Variants in IGF2 observed in about 807,000 individuals in gnomAD.
The protein encoded by IGF2 is insulin-like growth factor 2.
A neutral mutation model predicts 12.0 loss-of-function variants in IGF2; 2 were observed. The observed-to-expected ratio is 0.17, with a 90% confidence interval of 0.07 to 0.52. IGF2 has a LOEUF of 0.52. IGF2 is among the 20% of genes least tolerant of loss of function. IGF2 has a pLI of 0.95. For missense variants in IGF2, 211 were observed against 268.0 expected (o/e 0.79, Z 1.48); for synonymous variants, 105 against 110.1 (o/e 0.95, Z 0.29).
At position 2,138,973 on chromosome 11, in the gene IGF2, C is replaced by T. The variant is rs1859321375; in HGVS notation, c.-751G>A. ...GCCCGGGCCTCGGGAGGGGGACAGG[C>T]GGTGGCGGCACCGGGGCCGCTCCGG... On this transcript the variant is annotated 5_prime_UTR_variant, in exon 1 of 4. Transcript: ENST00000416167. 4.1e-6 allele frequency: 4 copies of T among 965,006 alleles called. No individual in the cohort carries two copies. Among genetic ancestry groups the T allele is most frequent in the South Asian group, 4.9e-5 (1 of 20,266 alleles). 59.8% of individuals were successfully genotyped at this position (965,006 alleles called of 1,614,324 possible). A position where few individuals can be genotyped will look rare whatever the true frequency, so the allele number is the denominator to read the frequency against.
Position 2,133,203 on chromosome 11 carries a change from G to T in IGF2, c.327C>A (p.Pro109=). The change falls in exon 4 of 4, where the codon CCC becomes CCA. Residue 109 remains proline (P), a synonymous_variant. Transcript: ENST00000416167. This position sits in a 1 kb window ranked among gnomAD's most constrained non-coding sequence, Gnocchi z 8.9. ...TGTCATATTGGAAGAACTTGCCCAC[G>T]GGGTATCTGGGGAAGTTGTCCTGGG... ...TVLPDNFPRY[P]VGKFFQYDTW... 1 of 1,556,680 alleles carries T rather than the reference G, an allele frequency of 6.4e-7. No individual in the cohort carries two copies.
chr11:2,132,679 G>A lies in IGF2; in HGVS notation c.*308C>T, dbSNP rs1017523149. On this transcript the variant is annotated 3_prime_UTR_variant, in exon 4 of 4. Coordinates refer to ENST00000416167, the MANE Select transcript of IGF2 (RefSeq NM_000612.6). ...TTGTGGGGGGGGGGGAAGGGGGTTA[G>A]TTTAATGTTTTGATTTTTTATGTGT... 3.4e-4 allele frequency: 72 copies of A among 211,436 alleles called. No individual in the cohort carries two copies. Among genetic ancestry groups the A allele is most frequent in the Non-Finnish European group, 3.2e-4 (38 of 117,896 alleles). The allele number at this position is 211,436 out of a possible 1,614,324, so 13.1% of individuals were successfully genotyped here.
chr11:2,147,482 A>G, the IGF2 span: 5 of 533,974 alleles, frequency 9.4e-6, no homozygotes, highest in South Asian at 5.1e-4. This position sits in a 1 kb window ranked among gnomAD's most constrained non-coding sequence, Gnocchi z 7.2. Context: ...AGCTGCTTGC[A>G]GAAGGGGGAG....
chr11:2,136,295 G>A (rs561703698), intron 1 of IGF2, among the ~76,000 whole-genome samples: 2 of 152,316 alleles, frequency 1.3e-5, no homozygotes, highest in African/African-American at 4.8e-5. Flanking sequence ...CTCCTTTCCA[G>A]GCCTCAAATC....
At chr11:2,147,565 C>CCT in the IGF2 span, 1 of 1,198,952 alleles carries the variant, frequency 8.3e-7, no homozygotes, top group Non-Finnish European at 1.0e-6. This position sits in a 1 kb window ranked among gnomAD's most constrained non-coding sequence, Gnocchi z 7.2. Flanking sequence ...GAGACACTCA[C>CCT]CTCTCTGCCT....
At position 2,130,532 on chromosome 11, in the gene IGF2, G is replaced by GT. The variant is rs1858467972; in HGVS notation, c.*2454_*2455insA. The GT allele has an allele frequency of 4.5e-6, 1 of 220,228 alleles. No homozygotes were observed. The highest frequency in any genetic ancestry group is 2.3e-5 in the African/African-American group (1 of 42,928). The allele number at this position is 220,228 out of a possible 1,614,324, so 13.6% of individuals were successfully genotyped here. Reference sequence around the variant, plus strand: ...TGTCACTGCCCCCCTGTTACATGGGGGGGGGGTTTAATTTGGTTTCTGAGC... The same window carrying GT: ...TGTCACTGCCCCCCTGTTACATGGGGTGGGGGGTTTAATTTGGTTTCTGAGC... On this transcript the variant is annotated 3_prime_UTR_variant, in exon 4 of 4. Transcript: ENST00000416167.
At position 2,131,575 on chromosome 11, in the gene IGF2, GTGC is replaced by G. The variant is rs1858558514; in HGVS notation, c.*1409_*1411del. 4.6e-6 allele frequency: 1 copy of G among 218,658 alleles called. No individual in the cohort carries two copies. The highest frequency in any genetic ancestry group is 1.9e-4 in the South Asian group (1 of 5,310). 13.5% of individuals were successfully genotyped at this position (218,658 alleles called of 1,614,324 possible). A position where few individuals can be genotyped will look rare whatever the true frequency, so the allele number is the denominator to read the frequency against. On this transcript the variant is annotated 3_prime_UTR_variant, in exon 4 of 4. Transcript: ENST00000416167. The stretch of plus-strand genomic sequence containing the variant: ...ATGTGTGTGCTGTGTGTTTGTGTGT[GTGC>G]TGTGTTCATGTGTGCTGTGCATGCG...
At chr11:2,140,174 G>A, upstream of IGF2, 4 of 1,613,430 alleles carry the variant, frequency 2.5e-6, no homozygotes, top group Non-Finnish European at 3.4e-6. Flanking sequence ...TAAGTAGCTC[G>A]CCTTTGCGGC....
At chr11:2,139,609 G>A (rs1451250170), upstream of IGF2, among the ~76,000 whole-genome samples, 10 of 148,998 alleles carry the variant, frequency 6.7e-5, no homozygotes, top group Non-Finnish European at 1.5e-4. Context: ...GGGCTGGGGG[G>A]TGCGCGGGGG....
At position 2,132,961 on chromosome 11, in the gene IGF2, G is replaced by C. The variant is rs3741214; in HGVS notation, c.*26C>G. On this transcript the variant is annotated 3_prime_UTR_variant, in exon 4 of 4. Coordinates refer to ENST00000416167, the MANE Select transcript of IGF2 (RefSeq NM_000612.6). ...GAGGAGGCTGCAGGATGGTGGCGCC[G>C]GGCTGCAGACTTGCGGCAGTTTTGC... 2.8e-6 allele frequency: 4 copies of C among 1,425,942 alleles called. No homozygotes were observed. In the African/African-American group the frequency reaches 5.8e-5, roughly 21 times the overall value. The allele number at this position is 1,425,942 out of a possible 1,614,324, so 88.3% of individuals were successfully genotyped here. A position where few individuals can be genotyped will look rare whatever the true frequency, so the allele number is the denominator to read the frequency against.
At position 2,133,765 on chromosome 11, in the gene IGF2, G is replaced by A. The variant is rs905869628; in HGVS notation, c.158-100C>T. ...CAAACCACCCCTGCCCTCAGGCCAGGCCCTGGAAGGACGCAGCCACCCTGC... is the reference window on the plus strand; with the variant it reads ...CAAACCACCCCTGCCCTCAGGCCAGACCCTGGAAGGACGCAGCCACCCTGC... On this transcript the variant is annotated intron_variant, in intron 2 of 3. Coordinates refer to ENST00000416167, the MANE Select transcript of IGF2 (RefSeq NM_000612.6). The surrounding 1 kb of genome is among the most constrained non-coding windows in gnomAD (Gnocchi z 8.9). 8.4e-6 allele frequency: 12 copies of A among 1,429,556 alleles called. No homozygotes were observed. The African/African-American group carries it at 1.6e-4, about 19-fold the overall frequency. The allele number at this position is 1,429,556 out of a possible 1,614,324, so 88.6% of individuals were successfully genotyped here. A position where few individuals can be genotyped will look rare whatever the true frequency, so the allele number is the denominator to read the frequency against.
At chr11:2,145,676 G>T (rs2133634989), upstream of IGF2, among the ~76,000 whole-genome samples, 1 of 152,328 alleles carries the variant, frequency 6.6e-6, no homozygotes, top group Non-Finnish European at 1.5e-5. Context: ...GGTGCCCACA[G>T]CAGGGTGTAG....
rs918271562 is a variant in IGF2, at chr11:2,138,904, G to A, written c.-682C>T. On this transcript the variant is annotated 5_prime_UTR_variant, in exon 1 of 4. Transcript: ENST00000416167. ...AGTGGAGGCTGCACCCGGACCGCGG[G>A]CGCCCAGCTCGGTTTGGGCCGACGG... is the stretch of plus-strand genomic sequence containing the variant. 44 of 984,974 alleles carry A rather than the reference G, an allele frequency of 4.5e-5. No individual in the cohort carries two copies. In the African/African-American group the frequency reaches 6.3e-4, roughly 14 times the overall value. 61.0% of individuals were successfully genotyped at this position (984,974 alleles called of 1,614,324 possible). A position where few individuals can be genotyped will look rare whatever the true frequency, so the allele number is the denominator to read the frequency against.
intron 2 of IGF2, 35 bp downstream of exon 2, chr11:2,135,332 G>A (rs1436805071): frequency 6.4e-7 from 1 of 1,566,662 alleles, no homozygotes; most frequent in Non-Finnish European, 8.7e-7. Flanking sequence ...CTAGGGGCCT[G>A]ACCAGGTCTG....
rs140032633 is a variant in IGF2 at position 2,135,395 on chromosome 11, G to A, written c.129C>T (p.Phe43=). The A allele has an allele frequency of 2.7e-5, 44 of 1,613,454 alleles. No homozygotes were observed. The African/African-American group carries it at 3.3e-4, about 12-fold the overall frequency. The change falls in exon 2 of 4, where the codon TTC becomes TTT. Residue 43 remains phenylalanine, a synonymous_variant. Coordinates refer to ENST00000416167, the MANE Select transcript of IGF2 (RefSeq NM_000612.6). ...AGTAGAAGCCGCGGTCCCCACAGAC[G>A]AACTGGAGGGTGTCCACCAGCTCCC... The part of the protein sequence containing the change: ...CGGELVDTLQ[F]VCGDRGFYFS...
rs1361412373 is a variant in IGF2 at position 2,135,496 on chromosome 11, G to C, written c.28C>G (p.Leu10Val). 6.2e-7 allele frequency: 1 copy of C among 1,613,510 alleles called. No individual in the cohort carries two copies. The highest frequency in any genetic ancestry group is 8.5e-7 in the Non-Finnish European group (1 of 1,179,860). MGIPMGKSM[L>V]VLLTFLAFAS... ...AAGGCCAAGAAGGTGAGAAGCACCA[G>C]CATCGACTTCCCCATTGGGATTCCC... Residue 10 changes from leucine (L) to valine (V), a missense_variant, in exon 2 of 4, where the codon CTG becomes GTG. This residue lies in a region of IGF2 where 40 missense variants were observed against 35.7 expected (regional missense o/e 1.12). Coordinates refer to ENST00000416167, the MANE Select transcript of IGF2 (RefSeq NM_000612.6).
chr11:2,146,582 G>C, the IGF2 span: 1 of 364,608 alleles, frequency 2.7e-6, no homozygotes, highest in Non-Finnish European at 5.5e-6. Flanking sequence ...CCCTGGGAGA[G>C]GGGTTCAGAC....
rs1858768577 is a variant in IGF2, at chr11:2,133,506, A to G, written c.306+11T>C. The stretch of plus-strand genomic sequence containing the variant: ...TCTCTAGAGAGTGGGAAAGGGGCCC[A>G]GGACCCTCACCGGAAGCACGGTCGG... On this transcript the variant is annotated intron_variant, in intron 3 of 3. Coordinates refer to ENST00000416167, the MANE Select transcript of IGF2 (RefSeq NM_000612.6). This position sits in a 1 kb window ranked among gnomAD's most constrained non-coding sequence, Gnocchi z 8.9. 1 of 1,609,066 alleles carries G rather than the reference A, an allele frequency of 6.2e-7. No individual in the cohort carries two copies. Among genetic ancestry groups the G allele is most frequent in the Non-Finnish European group, 8.5e-7 (1 of 1,177,896 alleles).
the IGF2 span, chr11:2,147,750 G>T: frequency 3.2e-6 from 4 of 1,248,938 alleles, no homozygotes; most frequent in East Asian, 6.3e-5. This position sits in a 1 kb window ranked among gnomAD's most constrained non-coding sequence, Gnocchi z 7.2. Context: ...CAGAGCCCTG[G>T]GGCTGGGGGC....
Sources: allele counts gnomAD v4.1 joint callset (sites outside exome capture counted in the v4.1 genomes callset), GRCh38; gene constraint gnomAD v4.1.1; regional missense constraint gnomAD v4.1.1; non-coding constraint Gnocchi (gnomAD v3.1); transcripts MANE v1.5; gene names NCBI Gene and HGNC (gene_info 2026-07-23, HGNC 2026-07-21).